The following ERI3 variants were observed in gnomAD, a reference collection of about 807,000 sequenced individuals.
ERI3 encodes the protein ERI1 exoribonuclease 3.
In ERI3, 18 loss-of-function variants were observed where a neutral mutation model predicts 44.4. That is an observed-to-expected ratio of 0.41 (90% CI 0.28 to 0.60). The LOEUF is 0.60. Ranked by LOEUF, ERI3 falls within the 20% of genes least tolerant of loss-of-function variation. ERI3 has a pLI of 0.36. For synonymous variants in ERI3, 183 were observed against 164.8 expected (o/e 1.11, Z -0.84); for missense variants, 294 against 435.5 (o/e 0.68, Z 2.89).
chr1:44,353,917 TG>T (rs1409515579), intron 1 of ERI3: 2 of 985,194 alleles, frequency 2.0e-6, no homozygotes, highest in Non-Finnish European at 2.4e-6. Flanking sequence ...GGCAGCCAAG[TG>T]GGTTTCTAAC....
rs756310457 is a variant in ERI3, at chr1:44,354,998, C to G, written c.29G>C (p.Gly10Ala). The G allele has an allele frequency of 1.4e-6, 2 of 1,380,128 alleles. No individual in the cohort carries two copies. Among genetic ancestry groups the G allele is most frequent in the Middle Eastern group, 2.0e-4 (1 of 5,092 alleles). The allele number at this position is 1,380,128 out of a possible 1,614,324, so 85.5% of individuals were successfully genotyped here. Residue 10 changes from glycine to alanine, a missense_variant, in exon 1 of 9, where the codon GGG (glycine) becomes GCG (alanine). Physicochemically the swap from Gly to Ala is moderately conservative, Grantham distance 60. Transcript: ENST00000372257. Reference protein sequence around the residue: MATASPAADGGRGRPWEGGL... With the variant: MATASPAADAGRGRPWEGGL... ...TCCTTCCCAGGGCCGCCCCCGCCCC[C>G]CGTCAGCAGCGGGAGAGGCTGTCGC...
Position 44,320,366 on chromosome 1 carries a change from C to T in ERI3, c.490-622G>A, listed in dbSNP as rs189645627. ...CAGCCCAATCGCTTAGCTAGCCTTT[C>T]CCAGTCCACTGAAACATAATGGAAG... On this transcript the variant is annotated intron_variant, in intron 3 of 8. Coordinates refer to ENST00000372257, the MANE Select transcript of ERI3 (RefSeq NM_024066.3). 1.5e-3 allele frequency among the ~76,000 whole-genome samples: 227 copies of T among 152,352 alleles called. 1 individual carries two copies. Among genetic ancestry groups the T allele is most frequent in the Non-Finnish European group, 1.4e-3 (93 of 68,036 alleles).
At chr1:44,259,723 C>CACAT (rs1394413620) in intron 7 of ERI3, among the ~76,000 whole-genome samples, 1 of 147,478 alleles carries the variant, frequency 6.8e-6, no homozygotes, top group Non-Finnish European at 1.5e-5. Context: ...CACACACACA[C>CACAT]AAATTAGCCA....
At chr1:44,334,183 G>A (rs976543767) in intron 3 of ERI3, among the ~76,000 whole-genome samples, 8 of 152,134 alleles carry the variant, frequency 5.3e-5, no homozygotes, top group African/African-American at 1.7e-4. Flanking sequence ...CTCCCTCCCT[G>A]GTCATCCAGA....
chr1:44,251,819 G>C (rs995153832), intron 7 of ERI3, among the ~76,000 whole-genome samples: 2 of 152,122 alleles, frequency 1.3e-5, no homozygotes, highest in Non-Finnish European at 2.9e-5. Flanking sequence ...GGCATCAAGG[G>C]GCCTTGTGTC....
At chr1:44,223,530 G>A (rs1303961751) in intron 8 of ERI3, among the ~76,000 whole-genome samples, 3 of 152,218 alleles carry the variant, frequency 2.0e-5, no homozygotes, top group East Asian at 1.9e-4. Context: ...GACCGTGGCC[G>A]CTGTGCATAT....
intron 4 of ERI3, among the ~76,000 whole-genome samples, chr1:44,319,182 C>T (rs1480263448): frequency 4.6e-5 from 7 of 152,232 alleles, no homozygotes; most frequent in East Asian, 1.9e-4. Flanking sequence ...AATGTACCTT[C>T]GACAAACTCA....
rs1312450555 is a variant in ERI3, at chr1:44,235,286, T to C, written c.931+12653A>G. Among the ~76,000 whole-genome samples the C allele has an allele frequency of 6.6e-6, 1 of 152,144 alleles. No individual in the cohort carries two copies. Among genetic ancestry groups the C allele is most frequent in the Admixed American group, 6.5e-5 (1 of 15,284 alleles). ...GTTGTACAGCCAAATTCAGGCTCAT[T>C]TGCACCTTGAGTTTTCAAGTCCTCA... On this transcript the variant is annotated intron_variant, in intron 8 of 8. Transcript: ENST00000372257. This position sits in a 1 kb window ranked among gnomAD's most constrained non-coding sequence, Gnocchi z 4.6.
At chr1:44,274,594 A>G (rs1305645064) in intron 7 of ERI3, among the ~76,000 whole-genome samples, 2 of 152,196 alleles carry the variant, frequency 1.3e-5, no homozygotes, top group Non-Finnish European at 2.9e-5. Context: ...CTCCAAAGAC[A>G]GTACTTTCCC....
chr1:44,309,749 G>C (rs1435423778), intron 5 of ERI3, among the ~76,000 whole-genome samples: 1 of 151,994 alleles, frequency 6.6e-6, no homozygotes, highest in African/African-American at 2.4e-5. Flanking sequence ...ATTTTTAGTA[G>C]AGACGGGGTT....
intron 2 of ERI3, among the ~76,000 whole-genome samples, chr1:44,348,677 T>C (rs1020402962): frequency 1.3e-5 from 2 of 152,198 alleles, no homozygotes; most frequent in Non-Finnish European, 2.9e-5. Flanking sequence ...CAGAACCAAA[T>C]GGATAATGTG....
intron 3 of ERI3, among the ~76,000 whole-genome samples, chr1:44,323,625 G>A (rs1362085690): frequency 6.6e-6 from 1 of 152,216 alleles, no homozygotes; most frequent in Non-Finnish European, 1.5e-5. Flanking sequence ...TGCTCTCCAA[G>A]ACATGTGGAA....
rs1037239576 is a variant in ERI3, at chr1:44,252,301, A to C, written c.832-4263T>G. 1.3e-5 allele frequency among the ~76,000 whole-genome samples: 2 copies of C among 152,152 alleles called. No individual in the cohort carries two copies. Among genetic ancestry groups the C allele is most frequent in the Non-Finnish European group, 2.9e-5 (2 of 68,012 alleles). On this transcript the variant is annotated intron_variant, in intron 7 of 8. Transcript: ENST00000372257. The surrounding 1 kb of genome is among the most constrained non-coding windows in gnomAD (Gnocchi z 4.7). ...CTTCCCCTGGGCTGCTGCAATTTCCATGCACAGGGAAGCAGGTGCCGAGCT... is the reference window on the plus strand; with the variant it reads ...CTTCCCCTGGGCTGCTGCAATTTCCCTGCACAGGGAAGCAGGTGCCGAGCT...
At chr1:44,333,907 G>A (rs1177065630) in intron 3 of ERI3, among the ~76,000 whole-genome samples, 2 of 152,128 alleles carry the variant, frequency 1.3e-5, no homozygotes. Flanking sequence ...AAATGCAGAT[G>A]GACTCTCTTC....
At chr1:44,320,817 T>TA (rs963519719) in intron 3 of ERI3, among the ~76,000 whole-genome samples, 7 of 150,858 alleles carry the variant, frequency 4.6e-5, no homozygotes, top group Admixed American at 2.0e-4. Context: ...TAGGAAATAA[T>TA]AAAAAAAATA....
rs1645984526 is a variant in ERI3 at position 44,312,098 on chromosome 1, T to C, written c.666+1071A>G. On this transcript the variant is annotated intron_variant, in intron 5 of 8. Coordinates refer to ENST00000372257, the MANE Select transcript of ERI3 (RefSeq NM_024066.3). ...TGCCTCTCTGACCCTGGCTCCATCC[T>C]TGGGGGCCCCACGAAATTCAATCTG... Among the ~76,000 whole-genome samples, 4 of 152,022 alleles carry C rather than the reference T, an allele frequency of 2.6e-5. No individual in the cohort carries two copies. In the South Asian group the frequency reaches 8.3e-4, roughly 32 times the overall value.
chr1:44,354,126 A>T, intron 1 of ERI3: 1 of 985,410 alleles, frequency 1.0e-6, no homozygotes, highest in Non-Finnish European at 1.2e-6. Context: ...CTACAATCAA[A>T]ACTCATTTAG....
At chr1:44,248,114 AC>A (rs1644593711) in intron 7 of ERI3, 76 bp from the exon 8 acceptor site, 7 of 891,778 alleles carry the variant, frequency 7.8e-6, no homozygotes, top group Non-Finnish European at 1.2e-5. Flanking sequence ...TCTTCCCCCC[AC>A]CCCCCAAATC....
chr1:44,275,098 TAAAAC>T (rs1218930439), intron 7 of ERI3, among the ~76,000 whole-genome samples: 2 of 152,024 alleles, frequency 1.3e-5, no homozygotes, highest in African/African-American at 4.8e-5. Flanking sequence ...CTCTCCAAAA[TAAAAC>T]AAAACAAACA....
Sources: gnomAD v4.1 joint callset for allele counts (sites outside exome capture counted in the v4.1 genomes callset) on GRCh38, gnomAD v4.1.1 for gene constraint, Gnocchi (gnomAD v3.1) non-coding constraint, MANE v1.5 for transcripts, NCBI Gene and HGNC (gene_info 2026-07-23, HGNC 2026-07-21) for gene names.